Variants in G3BP1 observed in about 807,000 individuals in gnomAD.
G3BP1 encodes the protein ras GTPase-activating protein-binding protein 1.
In G3BP1, 35 loss-of-function variants were observed where a neutral mutation model predicts 58.6. That is an observed-to-expected ratio of 0.60 (90% CI 0.46 to 0.79). The LOEUF (loss-of-function observed/expected upper bound fraction) is 0.79. Ranked by LOEUF, G3BP1 falls within the 30% of genes least tolerant of loss-of-function variation. The pLI is 0.00. For synonymous variants in G3BP1, 191 were observed against 195.4 expected (o/e 0.98, Z 0.19); for missense variants, 523 against 580.8 (o/e 0.90, Z 1.02).
chr5:151,800,902 T>C, intron 11 of G3BP1, 33 bp downstream of exon 11: 1 of 1,133,056 alleles, frequency 8.8e-7, no homozygotes, highest in East Asian at 2.3e-5. Context: ...TTTTTTTTTT[T>C]TTTTTTAAAA....
intron 1 of G3BP1, among the ~76,000 whole-genome samples, chr5:151,784,488 T>G (rs1762525387): frequency 6.6e-6 from 1 of 152,180 alleles, no homozygotes; most frequent in Non-Finnish European, 1.5e-5. Context: ...ATAAAAAAAT[T>G]GTGTCTGTTA....
intron 5 of G3BP1, among the ~76,000 whole-genome samples, chr5:151,795,224 C>T (rs1040965108): frequency 6.6e-6 from 1 of 152,070 alleles, no homozygotes. Flanking sequence ...TTCAATGAGC[C>T]GAGATCGCGC....
intron 1 of G3BP1, among the ~76,000 whole-genome samples, chr5:151,773,627 A>G (rs1222008388): frequency 2.0e-5 from 3 of 152,244 alleles, no homozygotes; most frequent in African/African-American, 7.2e-5. Flanking sequence ...TATAAACATA[A>G]AGATTTCTAT....
intron 4 of G3BP1, among the ~76,000 whole-genome samples, chr5:151,792,521 A>T (rs570453294): frequency 6.6e-6 from 1 of 152,336 alleles, no homozygotes; most frequent in African/African-American, 2.4e-5. Context: ...CTTTTAAAGG[A>T]AGTATCTAAC....
At chr5:151,790,820 T>G in intron 3 of G3BP1, 69 bp from the exon 4 acceptor site, 1 of 888,822 alleles carries the variant, frequency 1.1e-6, no homozygotes. Flanking sequence ...AAGGTTTTTT[T>G]TAGTTGGAGG....
At position 151,803,960 on chromosome 5, in the gene G3BP1, C is replaced by T. The variant is rs1402025416; in HGVS notation, c.1270C>T (p.Arg424Ter). Residue 424 changes from arginine (R) to a stop codon, truncating the protein, a stop_gained, in exon 12 of 12, where the codon CGA becomes TGA. Transcript: ENST00000356245. LOFTEE classifies it high-confidence loss of function. ...KTRAAREGDR[R>*]DNRLRGPGGP... ...TCGAGCTGCCAGGGAAGGCGACCGA[C>T]GAGATAATCGCCTTCGGGGACCTGG... 4.3e-6 allele frequency: 7 copies of T among 1,613,696 alleles called. No individual in the cohort carries two copies. The highest frequency in any genetic ancestry group is 5.1e-6 in the Non-Finnish European group (6 of 1,179,808).
chr5:151,803,355 G>A (rs766148062), intron 11 of G3BP1, among the ~76,000 whole-genome samples: 1 of 151,952 alleles, frequency 6.6e-6, no homozygotes, highest in Non-Finnish European at 1.5e-5. Flanking sequence ...GGAGTGCAGT[G>A]GCACGACCTT....
chr5:151,783,726 T>G (rs1487618265), intron 1 of G3BP1, among the ~76,000 whole-genome samples: 1 of 152,004 alleles, frequency 6.6e-6, no homozygotes. Flanking sequence ...CGCTAAACTT[T>G]CAGTGTGTGA....
At chr5:151,790,136 A>G (rs1410217025) in intron 2 of G3BP1, among the ~76,000 whole-genome samples, 187 bp from the exon 3 acceptor site, 1 of 150,126 alleles carries the variant, frequency 6.7e-6, no homozygotes, top group Non-Finnish European at 1.5e-5. Flanking sequence ...AAAAATGTGC[A>G]CATCAAAGAT....
chr5:151,798,754 T>C (rs1038359602), intron 7 of G3BP1, among the ~76,000 whole-genome samples: 5 of 152,078 alleles, frequency 3.3e-5, no homozygotes, highest in African/African-American at 9.7e-5. Context: ...TGCTTGAGTT[T>C]AGGAGTTCAA....
chr5:151,788,257 C>G (rs73281652), intron 2 of G3BP1, among the ~76,000 whole-genome samples: 2 of 151,968 alleles, frequency 1.3e-5, no homozygotes, highest in Non-Finnish European at 2.9e-5. Flanking sequence ...TCCTCCTGAT[C>G]ATTACAAAAA....
chr5:151,800,126 T>C, intron 9 of G3BP1, 92 bp from the exon 10 acceptor site: 7 of 1,319,940 alleles, frequency 5.3e-6, no homozygotes, highest in Non-Finnish European at 7.5e-6. Context: ...TTACCTGTTT[T>C]TAGTGTAGAG....
intron 1 of G3BP1, among the ~76,000 whole-genome samples, chr5:151,776,987 C>T (rs758401176): frequency 7.9e-5 from 12 of 151,348 alleles, no homozygotes; most frequent in Non-Finnish European, 1.3e-4. Flanking sequence ...CATTAATTAC[C>T]AGGTATTTCA....
intron 1 of G3BP1, among the ~76,000 whole-genome samples, chr5:151,774,037 C>G (rs1762324408): frequency 6.6e-6 from 1 of 152,218 alleles, no homozygotes; most frequent in African/African-American, 2.4e-5. Context: ...GATTATTTCA[C>G]AAACTGGTGC....
chr5:151,790,959 A>T lies in G3BP1; in HGVS notation c.248A>T (p.His83Leu). The T allele has an allele frequency of 6.2e-7, 1 of 1,611,472 alleles. No homozygotes were observed. The highest frequency in any genetic ancestry group is 1.1e-5 in the South Asian group (1 of 90,988). ...CHTKIRHVDAHATLNDGVVVQ... is the reference protein window; with the variant it reads ...CHTKIRHVDALATLNDGVVVQ... Reference sequence around the variant, plus strand: ...ACCAAGATTCGCCATGTTGATGCTCATGCCACGCTAAATGATGGTGTGGTA... The same window carrying T: ...ACCAAGATTCGCCATGTTGATGCTCTTGCCACGCTAAATGATGGTGTGGTA... Residue 83 changes from histidine (H) to leucine (L), a missense_variant, in exon 4 of 12, where the codon CAT becomes CTT. Transcript: ENST00000356245.
intron 6 of G3BP1, 73 bp from the exon 7 acceptor site, chr5:151,797,154 T>C: frequency 2.8e-6 from 4 of 1,446,376 alleles, no homozygotes; most frequent in Non-Finnish European, 3.8e-6. Flanking sequence ...GGTTTCTGAT[T>C]AATAAATGAT....
intron 2 of G3BP1, 168 bp downstream of exon 2, chr5:151,786,883 T>C (rs934040688): frequency 1.4e-4 from 78 of 549,368 alleles, no homozygotes; most frequent in African/African-American, 1.4e-3. Context: ...CGCCCTGTTG[T>C]CCAGACTGGA....
intron 1 of G3BP1, among the ~76,000 whole-genome samples, chr5:151,777,942 G>A (rs1762401471): frequency 6.8e-6 from 1 of 147,724 alleles, no homozygotes; most frequent in Admixed American, 6.6e-5. Flanking sequence ...TAATTGCTCA[G>A]TGCTAGTCTG....
rs1333380407 is a variant in G3BP1, at chr5:151,800,843, C to G, written c.1168C>G (p.Pro390Ala). The change falls in exon 11 of 12, where the codon CCT becomes GCT. Residue 390 changes from proline (P) to alanine (A), a missense_variant. Coordinates refer to ENST00000356245, the MANE Select transcript of G3BP1 (RefSeq NM_005754.3). ...FGFVVFDDSE[P>A]VQKVLSNRPI... ...TTTTGTTGTGTTTGATGATTCTGAG[C>G]CTGTTCAGAAAGTCCTTAGCAACAG... 6.2e-7 allele frequency: 1 copy of G among 1,602,380 alleles called. No individual in the cohort carries two copies. Among genetic ancestry groups the G allele is most frequent in the East Asian group, 2.2e-5 (1 of 44,784 alleles).
Sources: gnomAD v4.1 joint callset for allele counts (sites outside exome capture counted in the v4.1 genomes callset) on GRCh38, gnomAD v4.1.1 for gene constraint, MANE v1.5 for transcripts, NCBI Gene and HGNC (gene_info 2026-07-23, HGNC 2026-07-21) for gene names.